The following PTPRG variants were observed in gnomAD, a reference collection of about 807,000 sequenced individuals.
The protein encoded by PTPRG is protein tyrosine phosphatase receptor type G.
Under a neutral mutation model 165.3 loss-of-function variants are expected in PTPRG, and 102 were observed. That is an observed-to-expected ratio of 0.62 (90% CI 0.53 to 0.73). The LOEUF (loss-of-function observed/expected upper bound fraction) is 0.73. Among genes scored for constraint, PTPRG ranks in the 30% least tolerant of loss-of-function variants. PTPRG has a pLI of 0.00. For missense variants in PTPRG, 1,866 were observed against 1,861.4 expected (o/e 1.00, Z -0.05); for synonymous variants, 675 against 669.5 (o/e 1.01, Z -0.13).
intron 1 of PTPRG, among the ~76,000 whole-genome samples, chr3:61,702,050 C>T (rs2030994720): frequency 6.6e-6 from 1 of 152,130 alleles, no homozygotes; most frequent in South Asian, 2.1e-4. Flanking sequence ...GCGATCTCGG[C>T]TCACTGCAAC....
chr3:61,936,225 C>T lies in PTPRG; in HGVS notation c.191-53400C>T, dbSNP rs140402282. On this transcript the variant is annotated intron_variant, in intron 2 of 29. Coordinates refer to ENST00000474889, the MANE Select transcript of PTPRG (RefSeq NM_002841.4). ...ATAGATTTCTGTTCTTTATCAATTA[C>T]TCAGTTGCAGGAATTTTGTTACAGC... Among the ~76,000 whole-genome samples, 203 of 152,296 alleles carry T rather than the reference C, an allele frequency of 1.3e-3. 1 individual carries two copies. Among genetic ancestry groups the T allele is most frequent in the African/African-American group, 4.8e-3 (198 of 41,560 alleles).
chr3:62,132,714 C>G, intron 6 of PTPRG, 46 bp downstream of exon 6: 1 of 1,470,804 alleles, frequency 6.8e-7, no homozygotes. Flanking sequence ...GTGAAGGGCT[C>G]AGATCTCTAC....
chr3:61,570,989 C>G (rs1700041042), intron 1 of PTPRG, among the ~76,000 whole-genome samples: 1 of 152,004 alleles, frequency 6.6e-6, no homozygotes, highest in Non-Finnish European at 1.5e-5. Flanking sequence ...ATTCAGAATC[C>G]ACACCAAAAC....
At chr3:61,621,258 A>G (rs1434661187) in intron 1 of PTPRG, among the ~76,000 whole-genome samples, 1 of 152,106 alleles carries the variant, frequency 6.6e-6, no homozygotes, top group African/African-American at 2.4e-5. Context: ...ACCAGCAGGA[A>G]TCCTGCCTTA....
At chr3:62,119,217 C>G (rs1006122132) in intron 5 of PTPRG, among the ~76,000 whole-genome samples, 1 of 152,206 alleles carries the variant, frequency 6.6e-6, no homozygotes, top group Non-Finnish European at 1.5e-5. Flanking sequence ...ACTCTCCAGC[C>G]TGGATTTCCT....
At chr3:61,761,572 C>T (rs778650636) in intron 2 of PTPRG, among the ~76,000 whole-genome samples, 10 of 147,360 alleles carry the variant, frequency 6.8e-5, no homozygotes, top group African/African-American at 1.7e-4. Flanking sequence ...AGTGAGACTC[C>T]GCCTCAAAAC....
intron 2 of PTPRG, among the ~76,000 whole-genome samples, chr3:61,983,539 C>T (rs901218147): frequency 1.3e-5 from 2 of 151,974 alleles, no homozygotes; most frequent in East Asian, 1.9e-4. Flanking sequence ...TTTTTAATGG[C>T]TTTTCATTAG....
intron 1 of PTPRG, among the ~76,000 whole-genome samples, chr3:61,672,674 G>A (rs1361726275): frequency 2.7e-5 from 4 of 150,372 alleles, no homozygotes; most frequent in Non-Finnish European, 5.9e-5. Context: ...CAGCAGTACC[G>A]TCCAGCTTCG....
chr3:62,161,546 A>G (rs986589861), intron 7 of PTPRG, among the ~76,000 whole-genome samples: 5 of 152,216 alleles, frequency 3.3e-5, no homozygotes, highest in South Asian at 2.1e-4. Flanking sequence ...TTCTATTTCA[A>G]CACATGACGT....
chr3:61,976,151 T>C (rs2040499525), intron 2 of PTPRG, among the ~76,000 whole-genome samples: 1 of 152,234 alleles, frequency 6.6e-6, no homozygotes, highest in South Asian at 2.1e-4. Flanking sequence ...AGAATATCTC[T>C]TGATATTCTC....
chr3:61,998,414 C>A (rs73087420), intron 3 of PTPRG, among the ~76,000 whole-genome samples: 18,251 of 152,216 alleles, frequency 0.12, 1,315 homozygotes, highest in Middle Eastern at 0.23. Context: ...TGTGAGCATT[C>A]GTCGTATATC....
At chr3:61,947,114 A>T (rs1044124356) in intron 2 of PTPRG, among the ~76,000 whole-genome samples, 5 of 152,318 alleles carry the variant, frequency 3.3e-5, no homozygotes, top group African/African-American at 1.2e-4. Context: ...CAGCGTTTTC[A>T]TTAGCAATGA....
rs527376630 is a variant in PTPRG, at chr3:62,203,044, C to T, written c.1378-129C>T. On this transcript the variant is annotated intron_variant, in intron 11 of 29. Coordinates refer to ENST00000474889, the MANE Select transcript of PTPRG (RefSeq NM_002841.4). The surrounding 1 kb of genome is among the most constrained non-coding windows in gnomAD (Gnocchi z 6.4). ...ACTTTATGCCATACATTGGAAAACT[C>T]CATAGCATAGATGAGTAAAATCCTC... is the stretch of plus-strand genomic sequence containing the variant. 98 of 1,447,986 alleles carry T rather than the reference C, an allele frequency of 6.8e-5. 2 individuals are homozygous for T. The South Asian group carries it at 1.4e-3, about 20-fold the overall frequency. The allele number at this position is 1,447,986 out of a possible 1,614,324, so 89.7% of individuals were successfully genotyped here.
At chr3:62,283,532 G>A (rs1702527420) in intron 28 of PTPRG, among the ~76,000 whole-genome samples, 3 of 152,096 alleles carry the variant, frequency 2.0e-5, no homozygotes, top group South Asian at 4.1e-4. Flanking sequence ...TTCATGGCCT[G>A]TAAGTCAGTT....
chr3:61,613,264 A>G (rs1163992192), intron 1 of PTPRG, among the ~76,000 whole-genome samples: 2 of 152,162 alleles, frequency 1.3e-5, no homozygotes, highest in Non-Finnish European at 2.9e-5. Context: ...TGCTAAAATC[A>G]TGTTTTTTTT....
intron 4 of PTPRG, among the ~76,000 whole-genome samples, chr3:62,075,206 C>T (rs183729038): frequency 3.3e-5 from 5 of 152,248 alleles, no homozygotes; most frequent in East Asian, 1.9e-4. Context: ...TTGTATCACA[C>T]GCTATTCGGG....
intron 1 of PTPRG, among the ~76,000 whole-genome samples, chr3:61,565,896 G>A (rs1319637712): frequency 6.6e-6 from 1 of 151,936 alleles, no homozygotes; most frequent in East Asian, 1.9e-4. Flanking sequence ...GTAATATTTG[G>A]AAATCAGCAA....
chr3:62,208,152 A>G (rs1700275174), intron 12 of PTPRG, among the ~76,000 whole-genome samples: 1 of 152,210 alleles, frequency 6.6e-6, no homozygotes, highest in African/African-American at 2.4e-5. Context: ...GAAGCCTTTC[A>G]GAAGGCTTGA....
At chr3:61,742,840 A>T (rs1196589719) in intron 1 of PTPRG, 1 of 1,589,110 alleles carries the variant, frequency 6.3e-7, no homozygotes, top group African/African-American at 1.3e-5. Flanking sequence ...GAGTTTTTTC[A>T]GCGCCTCGAT....
Sources: allele counts gnomAD v4.1 joint callset (sites outside exome capture counted in the v4.1 genomes callset), GRCh38; gene constraint gnomAD v4.1.1; non-coding constraint Gnocchi (gnomAD v3.1); transcripts MANE v1.5; gene names NCBI Gene and HGNC (gene_info 2026-07-23, HGNC 2026-07-21).